Variants in IGF2BP1 observed in about 807,000 individuals in gnomAD.
IGF2BP1 encodes insulin-like growth factor 2 mRNA-binding protein 1.
Under a neutral mutation model 74.9 loss-of-function variants are expected in IGF2BP1, and 11 were observed. The ratio of observed to expected loss-of-function variants is 0.15; its 90% CI spans 0.09 to 0.24. The LOEUF is 0.24. IGF2BP1 is among the 10% of genes least tolerant of loss of function. The probability of loss-of-function intolerance (pLI) is 1.00; values close to 1 mark genes in which losing one functional copy is unlikely to be tolerated. For missense variants in IGF2BP1, 440 were observed against 757.4 expected, an observed-to-expected ratio of 0.58 and a Z score of 4.92; for synonymous variants, 287 against 281.8, an observed-to-expected ratio of 1.02 and a Z score of -0.18.
chr17:49,004,362 C>G (rs1032310680), intron 2 of IGF2BP1, among the ~76,000 whole-genome samples: 2 of 152,164 alleles, frequency 1.3e-5, no homozygotes. Flanking sequence ...CTCAGGAGCT[C>G]TCCATTCTAA....
intron 2 of IGF2BP1, among the ~76,000 whole-genome samples, chr17:49,024,670 G>T (rs554841908): frequency 6.6e-6 from 1 of 152,300 alleles, no homozygotes; most frequent in South Asian, 2.1e-4. Flanking sequence ...TCTTGTAAAG[G>T]TCAGTATTAG....
intron 4 of IGF2BP1, among the ~76,000 whole-genome samples, chr17:49,029,730 T>G (rs1476830446): frequency 6.6e-6 from 1 of 152,054 alleles, no homozygotes; most frequent in Admixed American, 6.6e-5. Context: ...GATCAAGTGA[T>G]TCTCCTGCTG....
Position 48,997,674 on chromosome 17 carries a change from C to T in IGF2BP1, c.-72C>T, listed in dbSNP as rs1292026279. On this transcript the variant is annotated 5_prime_UTR_variant, in exon 1 of 15. Transcript: ENST00000290341. The surrounding 1 kb of genome is among the most constrained non-coding windows in gnomAD (Gnocchi z 4.8). ...GCCGCCGGCCTCTCCGCCTCTTGGC[C>T]TAGGAGGCTCGCCGCCCGCGCCCGC... 6.5e-7 allele frequency: 1 copy of T among 1,536,282 alleles called. No homozygotes were observed. The highest frequency in any genetic ancestry group is 1.4e-5 in the African/African-American group (1 of 73,434).
At chr17:49,031,682 T>A (rs1171669958) in intron 4 of IGF2BP1, among the ~76,000 whole-genome samples, 2 of 151,828 alleles carry the variant, frequency 1.3e-5, no homozygotes, top group African/African-American at 4.8e-5. Flanking sequence ...ACTTTTTGTA[T>A]TTTTTAGTAG....
intron 2 of IGF2BP1, among the ~76,000 whole-genome samples, chr17:49,003,647 CTAA>C (rs1166143682): frequency 6.6e-6 from 1 of 151,786 alleles, no homozygotes; most frequent in East Asian, 1.9e-4. Context: ...TGAAATGTGG[CTAA>C]TGTTTTCCAG....
intron 1 of IGF2BP1, among the ~76,000 whole-genome samples, chr17:48,998,905 A>G (rs2041445335): frequency 6.6e-6 from 1 of 152,152 alleles, no homozygotes; most frequent in Admixed American, 6.5e-5. Flanking sequence ...CAAAAATTAA[A>G]AAATGAATAA....
chr17:48,998,692 A>G (rs747867844), intron 1 of IGF2BP1, among the ~76,000 whole-genome samples: 5 of 150,752 alleles, frequency 3.3e-5, no homozygotes, highest in Non-Finnish European at 7.4e-5. Context: ...CTTCCTGGCC[A>G]ACAGAGAAAA....
At chr17:49,039,470 C>T (rs528240039) in intron 6 of IGF2BP1, among the ~76,000 whole-genome samples, 1 of 152,174 alleles carries the variant, frequency 6.6e-6, no homozygotes, top group East Asian at 1.9e-4. Flanking sequence ...CTGCGTCACC[C>T]AGGCTGGAGT....
Position 49,046,341 on chromosome 17 carries a change from G to A in IGF2BP1, c.1609G>A (p.Val537Met), listed in dbSNP as rs771495169. Residue 537 changes from valine to methionine, a missense_variant, in exon 14 of 15, where the codon GTG (valine) becomes ATG (methionine). By Grantham distance (21) the Val-to-Met change is conservative (BLOSUM62 1). Around this residue, in one of 5 missense-constraint regions of IGF2BP1, gnomAD observed 117 missense variants for 237.2 expected, o/e 0.49. Coordinates refer to ENST00000290341, the MANE Select transcript of IGF2BP1 (RefSeq NM_006546.4). ...QTPDENDQVI[V>M]KIIGHFYASQ... ...CCCTGATGAGAACGACCAGGTCATC[G>A]TGAAAATCATCGGACATTTCTATGC... 6.2e-7 allele frequency: 1 copy of A among 1,614,048 alleles called. No homozygotes were observed. Among genetic ancestry groups the A allele is most frequent in the South Asian group, 1.1e-5 (1 of 91,076 alleles).
At position 49,038,542 on chromosome 17, in the gene IGF2BP1, A is replaced by G; in HGVS notation, c.683+93A>G. The G allele has an allele frequency of 5.6e-6, 7 of 1,254,808 alleles. No homozygotes were observed. The South Asian group carries it at 1.3e-4, about 23-fold the overall frequency. 77.7% of individuals were successfully genotyped at this position (1,254,808 alleles called of 1,614,324 possible). On this transcript the variant is annotated intron_variant, in intron 6 of 14. Transcript: ENST00000290341. The stretch of plus-strand genomic sequence containing the variant: ...TCCTGGAAGCATGCTGGAGACATCA[A>G]CATTTACCTTTTAGGAAATGTTGCC...
rs1448087640 is a variant in IGF2BP1, at chr17:48,999,130, A to G, written c.197A>G (p.Lys66Arg). Residue 66 changes from lysine to arginine, a missense_variant, in exon 2 of 15, where the codon AAA becomes AGA. Lys to Arg is a conservative substitution (Grantham distance 26, BLOSUM62 2). Around this residue, in one of 5 missense-constraint regions of IGF2BP1, gnomAD observed 105 missense variants for 199.4 expected, o/e 0.53. Transcript: ENST00000290341. Reference protein sequence around the residue: ...TFSGKVELQGKRLEIEHSVPK... With the variant: ...TFSGKVELQGRRLEIEHSVPK... ...TTAGGGAAAGTAGAATTACAAGGAA[A>G]ACGCTTAGAGATTGAACATTCGGTG... 1.3e-5 allele frequency: 20 copies of G among 1,531,066 alleles called. No individual in the cohort carries two copies. The highest frequency in any genetic ancestry group is 1.8e-5 in the Non-Finnish European group (20 of 1,129,188). 94.8% of individuals were successfully genotyped at this position (1,531,066 alleles called of 1,614,324 possible).
intron 2 of IGF2BP1, among the ~76,000 whole-genome samples, chr17:49,011,948 C>A (rs2041624866): frequency 7.1e-6 from 1 of 141,082 alleles, no homozygotes; most frequent in Non-Finnish European, 1.5e-5. Context: ...TGCTTTGTCA[C>A]CCAGGCTGTA....
At chr17:49,033,032 G>A (rs2041943532) in intron 5 of IGF2BP1, among the ~76,000 whole-genome samples, 1 of 152,222 alleles carries the variant, frequency 6.6e-6, no homozygotes, top group South Asian at 2.1e-4. Context: ...GCCCAAGCTG[G>A]TCTCGAACGG....
intron 2 of IGF2BP1, among the ~76,000 whole-genome samples, chr17:49,015,918 G>A (rs2041695245): frequency 6.6e-6 from 1 of 152,182 alleles, no homozygotes; most frequent in South Asian, 2.1e-4. Context: ...CTCCCCCAGA[G>A]CAAGATGACA....
intron 6 of IGF2BP1, among the ~76,000 whole-genome samples, chr17:49,038,700 G>A (rs181424323): frequency 8.1e-4 from 123 of 152,158 alleles, no homozygotes; most frequent in Middle Eastern, 3.4e-3. Flanking sequence ...TTTCTCATGT[G>A]AAGTTTCATA....
At chr17:49,022,361 A>G (rs1364123174) in intron 2 of IGF2BP1, among the ~76,000 whole-genome samples, 1 of 152,224 alleles carries the variant, frequency 6.6e-6, no homozygotes, top group Non-Finnish European at 1.5e-5. Context: ...AAACCGGGCC[A>G]AGGGCTTAAA....
chr17:49,029,920 G>C (rs971252935), intron 4 of IGF2BP1, among the ~76,000 whole-genome samples: 1 of 150,602 alleles, frequency 6.6e-6, no homozygotes, highest in African/African-American at 2.4e-5. Context: ...TTTAATAATT[G>C]TAAGTGAGAA....
chr17:49,002,942 C>G (rs1205694681), intron 2 of IGF2BP1, among the ~76,000 whole-genome samples: 1 of 152,106 alleles, frequency 6.6e-6, no homozygotes, highest in Non-Finnish European at 1.5e-5. Flanking sequence ...TGGCAACTGA[C>G]TGTCCCTTAG....
chr17:48,999,923 G>GGTT (rs1555593972), intron 2 of IGF2BP1, among the ~76,000 whole-genome samples: 2 of 134,024 alleles, frequency 1.5e-5, no homozygotes, highest in East Asian at 2.3e-4. Flanking sequence ...GTGGATGAAT[G>GGTT]GTGTGTGTGT....
Sources: gnomAD v4.1 joint callset for allele counts (sites outside exome capture counted in the v4.1 genomes callset) on GRCh38, gnomAD v4.1.1 for gene constraint, gnomAD v4.1.1 regional missense constraint, Gnocchi (gnomAD v3.1) non-coding constraint, MANE v1.5 for transcripts, NCBI Gene and HGNC (gene_info 2026-07-23, HGNC 2026-07-21) for gene names.